Variants in MYPN observed in about 807,000 individuals in gnomAD.
MYPN encodes the protein myopalladin, also known as sarcomeric protein myopalladin, 145 kDa (MYOP).
MYPN carries 63 observed loss-of-function variants against 129.4 expected under a neutral mutation model. The observed-to-expected ratio is 0.49, with a 90% CI of 0.40 to 0.60. The LOEUF (loss-of-function observed/expected upper bound fraction) is 0.60. MYPN is among the 20% of genes least tolerant of loss of function. The probability of loss-of-function intolerance (pLI) is 0.00; values close to 1 mark genes in which losing one functional copy is unlikely to be tolerated. For missense variants in MYPN, 1,596 were observed against 1,635.4 expected (o/e 0.98, Z 0.42); for synonymous variants, 629 against 600.9 (o/e 1.05, Z -0.68).
At chr10:68,199,608 C>G in intron 17 of MYPN, 33 bp downstream of exon 17, 2 of 1,601,854 alleles carry the variant, frequency 1.2e-6, no homozygotes, top group Non-Finnish European at 1.7e-6. Context: ...CTAAACACAA[C>G]TTCCTCCAAA....
intron 1 of MYPN, among the ~76,000 whole-genome samples, chr10:68,113,717 T>A (rs1207711629): frequency 6.6e-6 from 1 of 151,390 alleles, no homozygotes; most frequent in African/African-American, 2.4e-5. Context: ...AAAAGACACA[T>A]TTAAAAAAAT....
At chr10:68,179,869 T>C (rs940660059) in intron 12 of MYPN, among the ~76,000 whole-genome samples, 2 of 152,178 alleles carry the variant, frequency 1.3e-5, no homozygotes, top group East Asian at 1.9e-4. Context: ...TTCGCCAAGA[T>C]GAAATCTTTT....
intron 1 of MYPN, among the ~76,000 whole-genome samples, chr10:68,110,636 C>T (rs1215151614): frequency 6.6e-6 from 1 of 152,138 alleles, no homozygotes; most frequent in African/African-American, 2.4e-5. Context: ...CCTACAAACA[C>T]TAAATTAAAA....
chr10:68,147,457 C>T (rs892139443), intron 4 of MYPN, among the ~76,000 whole-genome samples: 19 of 152,270 alleles, frequency 1.2e-4, no homozygotes, highest in South Asian at 1.2e-3. Flanking sequence ...GTGCCCCCTC[C>T]GGGAATTATT....
chr10:68,184,569 C>T (rs994812369), intron 12 of MYPN, among the ~76,000 whole-genome samples: 10 of 152,170 alleles, frequency 6.6e-5, no homozygotes, highest in Non-Finnish European at 1.2e-4. Context: ...GCTGGAATTA[C>T]AGGCACACGC....
chr10:68,091,843 A>T (rs1193698930), intron 1 of MYPN, among the ~76,000 whole-genome samples: 5 of 149,442 alleles, frequency 3.3e-5, no homozygotes, highest in South Asian at 4.2e-4. Context: ...TTTTTTTTTT[A>T]AAGTGCAGCC....
At chr10:68,177,281 A>G (rs1240410777) in intron 12 of MYPN, among the ~76,000 whole-genome samples, 2 of 152,214 alleles carry the variant, frequency 1.3e-5, no homozygotes, top group South Asian at 2.1e-4. Context: ...AGGAACTAGG[A>G]AAGTCTCTAA....
At chr10:68,114,255 G>A (rs995929992) in intron 1 of MYPN, 2 of 152,064 alleles carry the variant, frequency 1.3e-5, no homozygotes, top group African/African-American at 4.8e-5. Context: ...GCCTGAAGAA[G>A]GATAGCACCG....
intron 7 of MYPN, among the ~76,000 whole-genome samples, chr10:68,159,665 A>T (rs2130097): frequency 0.41 from 61,661 of 151,070 alleles, 14,362 homozygotes; most frequent in Non-Finnish European, 0.53. Context: ...TTTTAAAAAT[A>T]TGTTTTATTA....
intron 10 of MYPN, among the ~76,000 whole-genome samples, chr10:68,172,582 A>G (rs2043159764): frequency 6.6e-6 from 1 of 152,184 alleles, no homozygotes; most frequent in Non-Finnish European, 1.5e-5. Context: ...TCAATAGACC[A>G]TTGAATTCAA....
chr10:68,145,267 A>AC (rs770983132), intron 3 of MYPN, among the ~76,000 whole-genome samples: 10 of 151,030 alleles, frequency 6.6e-5, no homozygotes, highest in East Asian at 1.9e-4. Flanking sequence ...CAGGTGATCC[A>AC]CCCCCCTCGG....
intron 8 of MYPN, among the ~76,000 whole-genome samples, chr10:68,164,689 G>A (rs762132937): frequency 1.3e-5 from 2 of 152,150 alleles, no homozygotes; most frequent in African/African-American, 2.4e-5. Context: ...TAGCTGTCAA[G>A]GAATATCTAA....
At chr10:68,160,995 A>C (rs904138166) in intron 7 of MYPN, among the ~76,000 whole-genome samples, 2 of 152,224 alleles carry the variant, frequency 1.3e-5, no homozygotes, top group Non-Finnish European at 2.9e-5. Flanking sequence ...AGCAGGAGGT[A>C]TAGTGTATAT....
chr10:68,110,513 T>C (rs2042067413), intron 1 of MYPN, among the ~76,000 whole-genome samples: 1 of 152,344 alleles, frequency 6.6e-6, no homozygotes, highest in East Asian at 1.9e-4. Flanking sequence ...CAGATTTTTA[T>C]ATGCTTATTA....
At chr10:68,145,380 A>G (rs1283438126) in intron 3 of MYPN, 95 bp from the exon 4 acceptor site, 1 of 1,009,784 alleles carries the variant, frequency 9.9e-7, no homozygotes, top group African/African-American at 1.6e-5. Flanking sequence ...AATCAGGTAA[A>G]CAAAGTATCA....
chr10:68,135,336 A>T, intron 2 of MYPN: 1 of 206,246 alleles, frequency 4.8e-6, no homozygotes, highest in Non-Finnish European at 8.5e-6. Flanking sequence ...TGGAACATGG[A>T]CATGAAGACT....
At chr10:68,102,339 G>A (rs1031905751), upstream of MYPN, among the ~76,000 whole-genome samples, 3 of 151,868 alleles carry the variant, frequency 2.0e-5, no homozygotes, top group Non-Finnish European at 4.4e-5. Context: ...ATGTTGCCCA[G>A]GCTGGTCTCA....
At chr10:68,132,708 G>T (rs1003640523) in intron 2 of MYPN, among the ~76,000 whole-genome samples, 4 of 152,176 alleles carry the variant, frequency 2.6e-5, no homozygotes, top group Non-Finnish European at 4.4e-5. Flanking sequence ...TGGTAGGGGG[G>T]ATATAGGGCA....
chr10:68,186,019 G>A (rs2043415417), intron 12 of MYPN, among the ~76,000 whole-genome samples: 1 of 152,318 alleles, frequency 6.6e-6, no homozygotes, highest in Middle Eastern at 3.4e-3. Flanking sequence ...TACCTAACAG[G>A]TGGATAGTGG....
Sources: allele counts gnomAD v4.1 joint callset (sites outside exome capture counted in the v4.1 genomes callset), GRCh38; gene constraint gnomAD v4.1.1; transcripts MANE v1.5; gene names NCBI Gene and HGNC (gene_info 2026-07-23, HGNC 2026-07-21).